The following DOCK7 variants were observed in gnomAD, a reference collection of about 807,000 sequenced individuals.
DOCK7 encodes dedicator of cytokinesis 7.
In DOCK7, 138 loss-of-function variants were observed where a neutral mutation model predicts 271.0. That is an observed-to-expected ratio of 0.51 (90% CI 0.44 to 0.59). The LOEUF (loss-of-function observed/expected upper bound fraction) is 0.59. Among genes scored for constraint, DOCK7 ranks in the 20% least tolerant of loss-of-function variants. DOCK7 has a pLI of 0.00. For missense variants in DOCK7, 2,066 were observed against 2,592.4 expected (o/e 0.80, Z 4.41); for synonymous variants, 823 against 876.1 (o/e 0.94, Z 1.07).
At chr1:62,618,926 T>C (rs981342049) in intron 13 of DOCK7, 58 bp from the exon 14 acceptor site, 3 of 1,511,092 alleles carry the variant, frequency 2.0e-6, no homozygotes, top group African/African-American at 1.4e-5. Context: ...ACGTTAAACA[T>C]GTTTTTTAAA....
intron 22 of DOCK7, among the ~76,000 whole-genome samples, chr1:62,550,360 T>C (rs1571502992): frequency 6.6e-6 from 1 of 152,160 alleles, no homozygotes; most frequent in African/African-American, 2.4e-5. Context: ...CTAGATAGCA[T>C]GGTAAAAGTT....
intron 28 of DOCK7, 42 bp from the exon 29 acceptor site, chr1:62,535,674 A>G: frequency 8.8e-6 from 14 of 1,589,944 alleles, no homozygotes; most frequent in Non-Finnish European, 1.2e-5. Context: ...ACAGCAGTGC[A>G]ACAAAGCATC....
intron 31 of DOCK7, among the ~76,000 whole-genome samples, chr1:62,522,524 A>C (rs1167847548): frequency 6.6e-6 from 1 of 152,168 alleles, no homozygotes; most frequent in Non-Finnish European, 1.5e-5. Flanking sequence ...GTAAACTAGT[A>C]ACAGAAAGAG....
chr1:62,569,744 C>T (rs573433339), intron 18 of DOCK7, among the ~76,000 whole-genome samples: 5 of 122,422 alleles, frequency 4.1e-5, no homozygotes, highest in Admixed American at 2.1e-4. Context: ...GACAGAGTCT[C>T]ACTCTGTCAC....
chr1:62,557,853 C>G (rs1385334641), intron 20 of DOCK7, among the ~76,000 whole-genome samples: 1 of 151,888 alleles, frequency 6.6e-6, no homozygotes, highest in Non-Finnish European at 1.5e-5. Flanking sequence ...AATCCATTCT[C>G]TCTTCTCCAT....
intron 31 of DOCK7, among the ~76,000 whole-genome samples, chr1:62,526,548 T>C (rs555348535): frequency 1.3e-5 from 2 of 151,938 alleles, no homozygotes; most frequent in East Asian, 1.9e-4. Flanking sequence ...AGAAGTACCA[T>C]ATGATCCAGC....
At position 62,653,785 on chromosome 1, in the gene DOCK7, T is replaced by A. The variant is rs897221521; in HGVS notation, c.329A>T (p.Asp110Val). The A allele has an allele frequency of 6.3e-7, 1 of 1,592,898 alleles. No homozygotes were observed. The highest frequency in any genetic ancestry group is 8.6e-7 in the Non-Finnish European group (1 of 1,162,024). Residue 110 changes from aspartate to valine, a missense_variant, in exon 4 of 50, where the codon GAT (aspartate) becomes GTT (valine). Transcript: ENST00000635253. ...TCTTATACAGTCTCTAACATGTGGA[T>A]CCATTTCACTATTTTAAAAAGGAAA... ...VSAVPEESEM[D>V]PHVRDCIRSY...
intron 7 of DOCK7, among the ~76,000 whole-genome samples, chr1:62,646,071 C>T (rs1185239372): frequency 3.3e-5 from 5 of 150,138 alleles, no homozygotes; most frequent in African/African-American, 7.4e-5. Flanking sequence ...CGCTTGAACC[C>T]GGGAGGCGGA....
At chr1:62,601,416 T>A (rs1650099423) in intron 14 of DOCK7, among the ~76,000 whole-genome samples, 1 of 151,648 alleles carries the variant, frequency 6.6e-6, no homozygotes, top group Admixed American at 6.6e-5. Flanking sequence ...TATAGAAGGT[T>A]TATTAATTTT....
chr1:62,604,688 C>CA, intron 14 of DOCK7: 1 of 1,613,112 alleles, frequency 6.2e-7, no homozygotes, highest in Middle Eastern at 1.7e-4. Context: ...GTAAATATAA[C>CA]AAACCAAGAG....
intron 40 of DOCK7, among the ~76,000 whole-genome samples, chr1:62,494,071 G>T (rs967062608): frequency 6.6e-6 from 1 of 152,178 alleles, no homozygotes; most frequent in Non-Finnish European, 1.5e-5. Flanking sequence ...TCAGAGGTAA[G>T]AAACTGTGGA....
chr1:62,625,788 A>G (rs776342982), intron 11 of DOCK7, among the ~76,000 whole-genome samples: 1 of 152,216 alleles, frequency 6.6e-6, no homozygotes, highest in Non-Finnish European at 1.5e-5. Context: ...TTTGTATTCA[A>G]AGTACTTGCA....
chr1:62,619,995 T>C lies in DOCK7; in HGVS notation c.1426-2A>G. On this transcript the variant is annotated splice_acceptor_variant, in intron 12 of 49. Coordinates refer to ENST00000635253, the MANE Select transcript of DOCK7 (RefSeq NM_001367561.1). LOFTEE classifies it high-confidence loss of function. ...TTCATCACTTAAGCGGTCTCCTTCC[T>C]GATTTCAATAATAGAGGAAAAAGTA... 1 of 1,608,676 alleles carries C rather than the reference T, an allele frequency of 6.2e-7. No homozygotes were observed. The highest frequency in any genetic ancestry group is 8.5e-7 in the Non-Finnish European group (1 of 1,176,448).
At chr1:62,461,095 A>G (rs935065339) in intron 48 of DOCK7, 1 of 152,208 alleles carries the variant, frequency 6.6e-6, no homozygotes, top group African/African-American at 2.4e-5. Context: ...AACTCTTTGC[A>G]TAACTACAAA....
intron 31 of DOCK7, among the ~76,000 whole-genome samples, chr1:62,525,934 TAGC>T (rs1644993265): frequency 6.6e-6 from 1 of 152,174 alleles, no homozygotes; most frequent in African/African-American, 2.4e-5. Flanking sequence ...AATCTTAAAA[TAGC>T]AACCTTTTTT....
chr1:62,678,513 G>A (rs938268139), intron 1 of DOCK7, among the ~76,000 whole-genome samples: 6 of 152,100 alleles, frequency 3.9e-5, no homozygotes, highest in Non-Finnish European at 7.4e-5. Flanking sequence ...AATAAATGGA[G>A]AAATACACTA....
intron 7 of DOCK7, among the ~76,000 whole-genome samples, chr1:62,645,898 A>C (rs147752820): frequency 0.024 from 3,642 of 152,270 alleles, 91 homozygotes; most frequent in African/African-American, 0.061. Context: ...CTGTAATCCC[A>C]GCACTTTGGG....
chr1:62,494,697 C>T, intron 39 of DOCK7: 1 of 363,688 alleles, frequency 2.7e-6, no homozygotes, highest in Non-Finnish European at 4.9e-6. Context: ...AAGAAATACG[C>T]CATATTAAAT....
chr1:62,678,698 G>T (rs1317356318), intron 1 of DOCK7, among the ~76,000 whole-genome samples: 1 of 151,964 alleles, frequency 6.6e-6, no homozygotes, highest in Non-Finnish European at 1.5e-5. Context: ...GAGCAGTCAA[G>T]ATTTTTTTTT....
Sources: allele counts gnomAD v4.1 joint callset (sites outside exome capture counted in the v4.1 genomes callset), GRCh38; gene constraint gnomAD v4.1.1; transcripts MANE v1.5; gene names NCBI Gene and HGNC (gene_info 2026-07-23, HGNC 2026-07-21).